The following ADAMTS6 variants were observed in gnomAD, a reference collection of about 807,000 sequenced individuals.
The protein encoded by ADAMTS6 is A disintegrin and metalloproteinase with thrombospondin motifs 6.
ADAMTS6 carries 23 observed loss-of-function variants against 144.3 expected under a neutral mutation model. The ratio of observed to expected loss-of-function variants is 0.16; its 90% CI spans 0.11 to 0.23. The LOEUF is 0.23. Ranked by LOEUF, ADAMTS6 falls within the 10% of genes least tolerant of loss-of-function variation. ADAMTS6 has a pLI of 1.00. For synonymous variants in ADAMTS6, 444 were observed against 457.5 expected (o/e 0.97, Z 0.38); for missense variants, 999 against 1,379.6 (o/e 0.72, Z 4.37).
chr5:65,379,135 TA>T (rs1460541190), intron 7 of ADAMTS6, among the ~76,000 whole-genome samples: 2 of 152,238 alleles, frequency 1.3e-5, no homozygotes, highest in Non-Finnish European at 2.9e-5. Context: ...AATCCTCATT[TA>T]ATCCTTTGTT....
At chr5:65,204,632 T>C (rs1008453429) in intron 20 of ADAMTS6, among the ~76,000 whole-genome samples, 5 of 152,218 alleles carry the variant, frequency 3.3e-5, no homozygotes, top group African/African-American at 1.2e-4. Flanking sequence ...TCTAGTCCGA[T>C]AAATATATTA....
chr5:65,305,154 A>T (rs1743809566), intron 9 of ADAMTS6, among the ~76,000 whole-genome samples: 2 of 152,230 alleles, frequency 1.3e-5, no homozygotes, highest in African/African-American at 4.8e-5. Context: ...ATGGACATAT[A>T]AATAGAGAAA....
chr5:65,269,773 T>C (rs1005320969), intron 12 of ADAMTS6, among the ~76,000 whole-genome samples: 2 of 151,510 alleles, frequency 1.3e-5, no homozygotes, highest in African/African-American at 4.9e-5. Context: ...CAACATGTGA[T>C]GGGCATAGTG....
chr5:65,377,741 G>A (rs1490794187), intron 7 of ADAMTS6, among the ~76,000 whole-genome samples: 2 of 152,154 alleles, frequency 1.3e-5, no homozygotes, highest in Admixed American at 1.3e-4. Flanking sequence ...CACCAGCATC[G>A]TAGCTTCTCA....
chr5:65,310,067 G>A (rs1000018503), intron 9 of ADAMTS6, among the ~76,000 whole-genome samples: 2 of 152,040 alleles, frequency 1.3e-5, no homozygotes, highest in Non-Finnish European at 2.9e-5. Flanking sequence ...GGGACAGTGA[G>A]TGAGTTCTTG....
At chr5:65,373,633 A>C (rs1751204589) in intron 7 of ADAMTS6, among the ~76,000 whole-genome samples, 1 of 152,146 alleles carries the variant, frequency 6.6e-6, no homozygotes, top group African/African-American at 2.4e-5. Flanking sequence ...ACCAACCAAA[A>C]AGAGTCCAGG....
chr5:65,157,566 C>T (rs1752507266), intron 24 of ADAMTS6, among the ~76,000 whole-genome samples: 1 of 152,278 alleles, frequency 6.6e-6, no homozygotes, highest in East Asian at 1.9e-4. Flanking sequence ...TCTGTAAACT[C>T]CTTATGTGGT....
At chr5:65,467,868 A>G (rs1466102723) in intron 3 of ADAMTS6, among the ~76,000 whole-genome samples, 1 of 152,246 alleles carries the variant, frequency 6.6e-6, no homozygotes, top group African/African-American at 2.4e-5. Flanking sequence ...GAGATGTTAC[A>G]GAAACTAACA....
In ADAMTS6 at chr5:65,150,044, G is replaced by A. The variant is rs539558059; in HGVS notation, c.*1792C>T. 1 of 152,358 alleles carries A rather than the reference G, an allele frequency of 6.6e-6. No individual in the cohort carries two copies. Among genetic ancestry groups the A allele is most frequent in the Admixed American group, 6.5e-5 (1 of 15,284 alleles). 9.4% of individuals were successfully genotyped at this position (152,358 alleles called of 1,614,324 possible). ...TGCTGATTGTCCACAGCAAACCTGG[G>A]AGTTGTTTAGATTGGCTTTTGGTGT... On this transcript the variant is annotated 3_prime_UTR_variant, in exon 25 of 25. Coordinates refer to ENST00000381055, the MANE Select transcript of ADAMTS6 (RefSeq NM_197941.4).
At chr5:65,422,363 G>A (rs533860199) in intron 7 of ADAMTS6, among the ~76,000 whole-genome samples, 29 of 152,344 alleles carry the variant, frequency 1.9e-4, no homozygotes, top group African/African-American at 6.3e-4. Context: ...CAGGCTTGGC[G>A]GCTCACGCCT....
At chr5:65,238,501 G>A (rs1037239389) in intron 15 of ADAMTS6, among the ~76,000 whole-genome samples, 23 of 151,922 alleles carry the variant, frequency 1.5e-4, no homozygotes, top group African/African-American at 5.3e-4. Flanking sequence ...TCAGGAGGCT[G>A]AGGTGGAAGG....
chr5:65,307,873 T>G (rs940039099), intron 9 of ADAMTS6, among the ~76,000 whole-genome samples: 2 of 152,152 alleles, frequency 1.3e-5, no homozygotes, highest in Non-Finnish European at 2.9e-5. Flanking sequence ...TCCTGGCCAG[T>G]ACTTCATTTC....
At chr5:65,281,534 A>C (rs1432988953) in intron 11 of ADAMTS6, among the ~76,000 whole-genome samples, 1 of 152,120 alleles carries the variant, frequency 6.6e-6, no homozygotes, top group Non-Finnish European at 1.5e-5. Flanking sequence ...GATTTTAAAA[A>C]GATACTGTTA....
chr5:65,371,123 A>T (rs1020909484), intron 7 of ADAMTS6, among the ~76,000 whole-genome samples: 3 of 152,176 alleles, frequency 2.0e-5, no homozygotes, highest in Non-Finnish European at 4.4e-5. Context: ...AATCTGTACA[A>T]CACCATCATC....
intron 14 of ADAMTS6, among the ~76,000 whole-genome samples, chr5:65,252,229 G>T (rs1267593452): frequency 6.6e-6 from 1 of 152,038 alleles, no homozygotes; most frequent in Admixed American, 6.5e-5. Flanking sequence ...ATGACCACAA[G>T]ACATTATGAA....
chr5:65,330,033 C>T (rs1290515817), intron 8 of ADAMTS6, among the ~76,000 whole-genome samples: 3 of 151,736 alleles, frequency 2.0e-5, no homozygotes, highest in Non-Finnish European at 2.9e-5. Context: ...TTTTTTTAAT[C>T]TCAAATTAAT....
chr5:65,334,106 A>G (rs762965596), intron 7 of ADAMTS6, 21 bp from the exon 8 acceptor site: 6 of 1,519,490 alleles, frequency 3.9e-6, no homozygotes, highest in Non-Finnish European at 5.3e-6. Context: ...AACAGAGATG[A>G]AATTTGTAAT....
intron 11 of ADAMTS6, among the ~76,000 whole-genome samples, chr5:65,275,250 A>G (rs1762377022): frequency 6.8e-6 from 1 of 146,808 alleles, no homozygotes; most frequent in African/African-American, 2.5e-5. Context: ...AAAGGAAAGA[A>G]AGAGAGAGAG....
At chr5:65,385,453 T>C (rs1188533704) in intron 7 of ADAMTS6, among the ~76,000 whole-genome samples, 1 of 152,234 alleles carries the variant, frequency 6.6e-6, no homozygotes, top group Non-Finnish European at 1.5e-5. Context: ...TGATCTTGGG[T>C]AATCTCCTTT....
Sources: allele counts gnomAD v4.1 joint callset (sites outside exome capture counted in the v4.1 genomes callset), GRCh38; gene constraint gnomAD v4.1.1; transcripts MANE v1.5; gene names NCBI Gene and HGNC (gene_info 2026-07-23, HGNC 2026-07-21).